The following PIK3CB variants were observed in gnomAD, a reference collection of about 807,000 sequenced individuals.
The protein encoded by PIK3CB is phosphatidylinositol 4,5-bisphosphate 3-kinase catalytic subunit beta isoform.
PIK3CB carries 39 observed loss-of-function variants against 136.8 expected under a neutral mutation model. The ratio of observed to expected loss-of-function variants is 0.29; its 90% CI spans 0.22 to 0.37. The LOEUF (loss-of-function observed/expected upper bound fraction) is 0.37. Among genes scored for constraint, PIK3CB ranks in the 10% least tolerant of loss-of-function variants. The pLI is 1.00. For synonymous variants in PIK3CB, 428 were observed against 436.6 expected (o/e 0.98, Z 0.25); for missense variants, 868 against 1,275.4 (o/e 0.68, Z 4.87).
chr3:138,706,094 C>A (rs9876610), intron 11 of PIK3CB, among the ~76,000 whole-genome samples: 1 of 152,180 alleles, frequency 6.6e-6, no homozygotes, highest in South Asian at 2.1e-4. Context: ...TTATAAAAAT[C>A]AACACTACCA....
chr3:138,765,679 C>CAA (rs34550458), intron 2 of PIK3CB, among the ~76,000 whole-genome samples: 1,370 of 119,182 alleles, frequency 0.011, 22 homozygotes, highest in African/African-American at 0.033. Flanking sequence ...CCCCTCTCTT[C>CAA]AAAAAAAAAA....
chr3:138,770,687 A>G (rs2045787965), intron 2 of PIK3CB: 1 of 152,110 alleles, frequency 6.6e-6, no homozygotes, highest in African/African-American at 2.4e-5. Context: ...TTTTTAAAAT[A>G]TAAAAGAAAA....
At chr3:138,714,960 T>C (rs2044578462) in intron 8 of PIK3CB, among the ~76,000 whole-genome samples, 1 of 152,200 alleles carries the variant, frequency 6.6e-6, no homozygotes, top group African/African-American at 2.4e-5. Flanking sequence ...GTTTTTCACT[T>C]GCTAAGTAAA....
intron 9 of PIK3CB, 132 bp from the exon 10 acceptor site, chr3:138,712,436 A>G: frequency 2.2e-6 from 1 of 448,470 alleles, no homozygotes; most frequent in Non-Finnish European, 3.9e-6. Context: ...TTCTAAAATG[A>G]GAACAAGATA....
chr3:138,733,515 C>A, intron 7 of PIK3CB, 77 bp from the exon 8 acceptor site: 1 of 725,460 alleles, frequency 1.4e-6, no homozygotes, highest in South Asian at 1.7e-5. Context: ...CAATTGTCAT[C>A]AGTTCTAATG....
intron 1 of PIK3CB, among the ~76,000 whole-genome samples, chr3:138,800,120 C>A (rs916760056): frequency 6.6e-6 from 1 of 152,152 alleles, no homozygotes; most frequent in African/African-American, 2.4e-5. Flanking sequence ...AGGTCTTCTG[C>A]CACTTCATAA....
intron 19 of PIK3CB, among the ~76,000 whole-genome samples, chr3:138,666,958 T>C (rs1033728709): frequency 2.0e-5 from 3 of 152,030 alleles, no homozygotes; most frequent in African/African-American, 7.2e-5. Context: ...TCCCAGCACT[T>C]TGGGAGACCA....
chr3:138,787,226 C>T (rs952995013), intron 2 of PIK3CB, among the ~76,000 whole-genome samples: 5 of 151,946 alleles, frequency 3.3e-5, no homozygotes, highest in African/African-American at 1.2e-4. Flanking sequence ...TATAGCTGGG[C>T]GTGGTGGCAG....
At chr3:138,709,245 G>A (rs776730225) in intron 10 of PIK3CB, among the ~76,000 whole-genome samples, 1 of 151,782 alleles carries the variant, frequency 6.6e-6, no homozygotes, top group Non-Finnish European at 1.5e-5. Flanking sequence ...CATAAGCATG[G>A]TTATTCATTA....
At chr3:138,777,957 A>G (rs946580010) in intron 2 of PIK3CB, 5 of 370,554 alleles carry the variant, frequency 1.3e-5, no homozygotes, top group Admixed American at 3.1e-5. Flanking sequence ...TACACGGTCT[A>G]TATGTTCCAT....
At chr3:138,701,019 A>G (rs1458935575) in intron 12 of PIK3CB, among the ~76,000 whole-genome samples, 2 of 152,168 alleles carry the variant, frequency 1.3e-5, no homozygotes, top group Non-Finnish European at 2.9e-5. Flanking sequence ...GTTAACTTCC[A>G]GAGTAGTGGT....
chr3:138,817,097 G>A (rs1209234996), intron 1 of PIK3CB, among the ~76,000 whole-genome samples: 2 of 151,762 alleles, frequency 1.3e-5, no homozygotes, highest in Admixed American at 6.6e-5. Flanking sequence ...CCAGCACTTT[G>A]GGAGGCCGAG....
At chr3:138,708,071 T>G (rs2044414659) in intron 10 of PIK3CB, among the ~76,000 whole-genome samples, 1 of 152,128 alleles carries the variant, frequency 6.6e-6, no homozygotes, top group South Asian at 2.1e-4. Context: ...CTGACTGTAG[T>G]ACAGTTGTTC....
chr3:138,770,884 G>T (rs988204125), intron 2 of PIK3CB, among the ~76,000 whole-genome samples: 1 of 151,516 alleles, frequency 6.6e-6, no homozygotes, highest in African/African-American at 2.4e-5. Flanking sequence ...GCTAATTTTT[G>T]TATTTTTAGT....
At chr3:138,716,683 G>T (rs945257156) in intron 8 of PIK3CB, among the ~76,000 whole-genome samples, 23 of 151,676 alleles carry the variant, frequency 1.5e-4, no homozygotes, top group African/African-American at 5.1e-4. Context: ...ATCACTTGAG[G>T]TCAAGAGTTC....
intron 18 of PIK3CB, among the ~76,000 whole-genome samples, chr3:138,683,081 G>A (rs989964164): frequency 8.5e-5 from 13 of 152,100 alleles, no homozygotes; most frequent in African/African-American, 3.1e-4. Context: ...GCCTGGGCAC[G>A]GTGGCTCATG....
intron 2 of PIK3CB, among the ~76,000 whole-genome samples, chr3:138,768,438 G>A (rs1054704650): frequency 2.6e-5 from 4 of 152,224 alleles, no homozygotes; most frequent in Non-Finnish European, 4.4e-5. Context: ...ATGGGCCTCA[G>A]GGAGAAGGAA....
intron 9 of PIK3CB, among the ~76,000 whole-genome samples, chr3:138,713,939 A>G (rs1022304174): frequency 3.3e-5 from 5 of 152,184 alleles, no homozygotes; most frequent in Non-Finnish European, 7.3e-5. Flanking sequence ...GTGGCCAGAG[A>G]TAACAAAAAG....
chr3:138,694,245 G>C (rs1159516277), intron 14 of PIK3CB, among the ~76,000 whole-genome samples: 1 of 151,820 alleles, frequency 6.6e-6, no homozygotes, highest in African/African-American at 2.4e-5. Flanking sequence ...TTACTGCTGG[G>C]AGTATAGAAA....
Sources: allele counts gnomAD v4.1 joint callset (sites outside exome capture counted in the v4.1 genomes callset), GRCh38; gene constraint gnomAD v4.1.1; transcripts MANE v1.5; gene names NCBI Gene and HGNC (gene_info 2026-07-23, HGNC 2026-07-21).